FILIP1L: variants seen among roughly 807,000 people sequenced by gnomAD.
FILIP1L encodes filamin A interacting protein 1 like.
In FILIP1L, 55 loss-of-function variants were observed where a neutral mutation model predicts 96.6. That is an observed-to-expected ratio of 0.57 (90% CI 0.46 to 0.71). The LOEUF (loss-of-function observed/expected upper bound fraction) is 0.71, where lower values mean the gene tolerates loss of function less well. FILIP1L is among the 30% of genes least tolerant of loss of function. The pLI, the probability that FILIP1L is intolerant of heterozygous loss-of-function variation, is 0.00. For missense variants in FILIP1L, 1,304 were observed against 1,321.2 expected (o/e 0.99, Z 0.20); for synonymous variants, 467 against 473.9 (o/e 0.99, Z 0.19).
chr3:99,962,167 A>G (rs573101622), intron 1 of FILIP1L, among the ~76,000 whole-genome samples: 2 of 152,228 alleles, frequency 1.3e-5, no homozygotes, highest in East Asian at 1.9e-4. Context: ...AGGTGAGGGG[A>G]TGCGTGGTGA....
intron 4 of FILIP1L, among the ~76,000 whole-genome samples, chr3:99,861,197 C>A (rs1381776538): frequency 1.3e-5 from 2 of 151,802 alleles, no homozygotes; most frequent in Non-Finnish European, 2.9e-5. Context: ...CCCGCCCTCC[C>A]AAAAAAAATT....
At chr3:99,942,108 G>A (rs1002238348) in intron 1 of FILIP1L, among the ~76,000 whole-genome samples, 2 of 151,956 alleles carry the variant, frequency 1.3e-5, no homozygotes, top group Admixed American at 6.6e-5. Flanking sequence ...TCCTGAGGCA[G>A]GAGAATGGCG....
At chr3:99,966,556 T>C (rs969786088) in intron 1 of FILIP1L, among the ~76,000 whole-genome samples, 3 of 152,224 alleles carry the variant, frequency 2.0e-5, no homozygotes, top group Non-Finnish European at 4.4e-5. Context: ...CAATTAACTT[T>C]ATAAACATTC....
At chr3:99,944,169 C>T (rs1000098534) in intron 1 of FILIP1L, among the ~76,000 whole-genome samples, 1 of 152,160 alleles carries the variant, frequency 6.6e-6, no homozygotes, top group Non-Finnish European at 1.5e-5. Flanking sequence ...TTCTTCTAGT[C>T]AGTGCTAAAC....
intron 1 of FILIP1L, among the ~76,000 whole-genome samples, chr3:100,060,615 G>A (rs2065546757): frequency 6.6e-6 from 1 of 152,134 alleles, no homozygotes; most frequent in African/African-American, 2.4e-5. Context: ...AGCACTTTGG[G>A]AGGCTGAAGC....
intron 4 of FILIP1L, among the ~76,000 whole-genome samples, chr3:99,879,844 T>C (rs1705661991): frequency 6.6e-6 from 1 of 152,168 alleles, no homozygotes; most frequent in African/African-American, 2.4e-5. Flanking sequence ...TGGTCCTGTA[T>C]AAGAAGCTGA....
At chr3:99,969,355 A>G (rs1708747874) in intron 1 of FILIP1L, among the ~76,000 whole-genome samples, 1 of 152,230 alleles carries the variant, frequency 6.6e-6, no homozygotes, top group Non-Finnish European at 1.5e-5. Flanking sequence ...AAATAAGAGC[A>G]AGCTAAGCAA....
chr3:100,010,155 T>A, intron 1 of FILIP1L: 1 of 973,456 alleles, frequency 1.0e-6, no homozygotes, highest in Non-Finnish European at 1.2e-6. Context: ...TGGAGCCACA[T>A]TTCATTTGAT....
At chr3:99,980,125 C>G (rs1424494492) in intron 1 of FILIP1L, among the ~76,000 whole-genome samples, 1 of 152,088 alleles carries the variant, frequency 6.6e-6, no homozygotes, top group Non-Finnish European at 1.5e-5. Flanking sequence ...ACAGTACGGA[C>G]TATATAGTGA....
In FILIP1L at chr3:99,924,210, T is replaced by A. The variant is rs1167290420; in HGVS notation, c.605+20A>T. ...TCATAGATTGCAGAATGGGACATTGTTTGCCCAAAGCAGCCTTACCTTTCA... is the reference window on the plus strand; with the variant it reads ...TCATAGATTGCAGAATGGGACATTGATTGCCCAAAGCAGCCTTACCTTTCA... On this transcript the variant is annotated intron_variant, in intron 4 of 5. Transcript: ENST00000477258. 3 of 1,607,234 alleles carry A rather than the reference T, an allele frequency of 1.9e-6. No individual in the cohort carries two copies. In the East Asian group the frequency reaches 6.7e-5, roughly 36 times the overall value.
In FILIP1L at chr3:99,849,683, T is replaced by C; in HGVS notation, c.1993A>G (p.Asn665Asp). 13 of 1,613,532 alleles carry C rather than the reference T, an allele frequency of 8.1e-6. No homozygotes were observed. The highest frequency in any genetic ancestry group is 1.1e-5 in the Non-Finnish European group (13 of 1,179,938). ...EYETLERRYA[N>D]ERDKAQFLSK... ...AAAAATTGAGCTTTGTCTCGTTCAT[T>C]AGCATACCTTCGTTCTAGAGTCTCA... The change falls in exon 5 of 6, where the codon AAT becomes GAT. Residue 665 changes from asparagine (N) to aspartate (D), a missense_variant. Transcript: ENST00000477258.
At chr3:100,085,086 A>G (rs2065986980) in intron 1 of FILIP1L, among the ~76,000 whole-genome samples, 2 of 152,216 alleles carry the variant, frequency 1.3e-5, no homozygotes, top group South Asian at 2.1e-4. Context: ...CGTATCCCCT[A>G]AAGTGGTGGT....
intron 1 of FILIP1L, among the ~76,000 whole-genome samples, chr3:100,025,113 C>G (rs139181471): frequency 6.6e-6 from 1 of 152,216 alleles, no homozygotes; most frequent in East Asian, 1.9e-4. Context: ...GGGAGTTAAT[C>G]GAGGCCGTAA....
chr3:99,982,035 C>T (rs535802855), intron 1 of FILIP1L, among the ~76,000 whole-genome samples: 4 of 151,908 alleles, frequency 2.6e-5, no homozygotes, highest in Middle Eastern at 6.8e-3. Flanking sequence ...ACATAATATG[C>T]TCTTTTAGTT....
intron 1 of FILIP1L, among the ~76,000 whole-genome samples, chr3:100,105,887 A>G (rs186447139): frequency 2.0e-5 from 3 of 152,240 alleles, no homozygotes; most frequent in African/African-American, 7.2e-5. Flanking sequence ...TCAAACAAAA[A>G]CTTTTTTTTA....
intron 1 of FILIP1L, among the ~76,000 whole-genome samples, chr3:100,096,383 G>A (rs532626269): frequency 6.6e-6 from 1 of 152,296 alleles, no homozygotes; most frequent in South Asian, 2.1e-4. Flanking sequence ...ACAGATGAAT[G>A]GATAAAGAAA....
chr3:99,944,045 A>C (rs1055440775), intron 1 of FILIP1L, among the ~76,000 whole-genome samples: 2 of 152,254 alleles, frequency 1.3e-5, no homozygotes, highest in African/African-American at 4.8e-5. Context: ...CTCTTGGTTC[A>C]GCAGACATGC....
rs563310113 is a variant in FILIP1L at position 100,060,157 on chromosome 3, G to A, written c.-11+53896C>T. Among the ~76,000 whole-genome samples the A allele has an allele frequency of 7.2e-5, 11 of 152,154 alleles. No homozygotes were observed. In the East Asian group the frequency reaches 9.7e-4, roughly 13 times the overall value. On this transcript the variant is annotated intron_variant, in intron 1 of 5. Transcript: ENST00000477258. ...GTGTGTCACATGGTGGGTGGGCTAC[G>A]GTGCCAGACTGAAGAGGTTGAGATT...
intron 1 of FILIP1L, among the ~76,000 whole-genome samples, chr3:99,975,517 G>A (rs147888316): frequency 1.3e-5 from 2 of 151,912 alleles, no homozygotes; most frequent in Admixed American, 6.6e-5. Flanking sequence ...GCTTGAACCC[G>A]GGAGGCAGAC....
Sources: allele counts gnomAD v4.1 joint callset (sites outside exome capture counted in the v4.1 genomes callset), GRCh38; gene constraint gnomAD v4.1.1; transcripts MANE v1.5; gene names NCBI Gene and HGNC (gene_info 2026-07-23, HGNC 2026-07-21).